Variants in SUCLG2 observed in about 807,000 individuals in gnomAD.
SUCLG2 encodes succinate--CoA ligase [GDP-forming] subunit beta, mitochondrial.
SUCLG2 carries 42 observed loss-of-function variants against 47.9 expected under a neutral mutation model. The observed-to-expected ratio is 0.88, with a 90% CI of 0.69 to 1.14. SUCLG2 has a LOEUF of 1.14. SUCLG2 is among the 50% of genes most tolerant of loss of function. The pLI is 0.00. For synonymous variants in SUCLG2, 195 were observed against 197.3 expected, an observed-to-expected ratio of 0.99 and a Z score of 0.10; for missense variants, 571 against 525.9, an observed-to-expected ratio of 1.09 and a Z score of -0.84.
chr3:67,436,603 A>T (rs1033128000), intron 9 of SUCLG2, among the ~76,000 whole-genome samples: 3 of 152,174 alleles, frequency 2.0e-5, no homozygotes, highest in Non-Finnish European at 2.9e-5. Flanking sequence ...TTACTATAGG[A>T]CTTTTACTAA....
chr3:67,379,006 G>C (rs1197152277), intron 10 of SUCLG2, among the ~76,000 whole-genome samples: 2 of 152,140 alleles, frequency 1.3e-5, no homozygotes, highest in Non-Finnish European at 2.9e-5. Flanking sequence ...GAGTGCAGTG[G>C]CGTGATCTCA....
intron 8 of SUCLG2, among the ~76,000 whole-genome samples, chr3:67,497,772 T>G (rs1280790854): frequency 6.6e-6 from 1 of 152,168 alleles, no homozygotes; most frequent in Non-Finnish European, 1.5e-5. Context: ...CCACAGCCAT[T>G]TGGAACTGTC....
chr3:67,473,823 A>G (rs1704665436), intron 9 of SUCLG2, among the ~76,000 whole-genome samples: 1 of 152,212 alleles, frequency 6.6e-6, no homozygotes, highest in Admixed American at 6.5e-5. Context: ...ATGGAGTAAG[A>G]GTTTATCATT....
At chr3:67,454,961 CAAA>C (rs61683854) in intron 9 of SUCLG2, among the ~76,000 whole-genome samples, 3 of 111,610 alleles carry the variant, frequency 2.7e-5, no homozygotes, top group African/African-American at 3.6e-5. Flanking sequence ...GACTCCGTCT[CAAA>C]AAAAAAAAAA....
chr3:67,525,005 C>G (rs1038607650), intron 4 of SUCLG2, among the ~76,000 whole-genome samples: 2 of 152,192 alleles, frequency 1.3e-5, no homozygotes, highest in African/African-American at 4.8e-5. Context: ...ATGTTGGACA[C>G]TGAAATTAAG....
intron 9 of SUCLG2, among the ~76,000 whole-genome samples, chr3:67,421,576 G>A (rs1467412528): frequency 6.6e-6 from 1 of 152,230 alleles, no homozygotes; most frequent in Non-Finnish European, 1.5e-5. Flanking sequence ...GTATAGGCAA[G>A]TAATAGAAGT....
chr3:67,623,366 T>C (rs910606633), intron 1 of SUCLG2, among the ~76,000 whole-genome samples: 1 of 152,090 alleles, frequency 6.6e-6, no homozygotes, highest in Admixed American at 6.5e-5. Flanking sequence ...CTGGGCGTGA[T>C]GGCGGGTGCC....
chr3:67,475,306 G>C lies in SUCLG2; in HGVS notation c.1062+20492C>G, dbSNP rs1334895899. On this transcript the variant is annotated intron_variant, in intron 9 of 10. Transcript: ENST00000307227. ...TCACCAAAGAAAATGTTTTTCATTT[G>C]TAAGAAAACTGAGTGATTTCTCTTC... Among the ~76,000 whole-genome samples the C allele has an allele frequency of 2.5e-4, 38 of 152,128 alleles. 1 individual carries two copies. Among genetic ancestry groups the C allele is most frequent in the Admixed American group, 2.5e-3 (38 of 15,274 alleles).
intron 9 of SUCLG2, among the ~76,000 whole-genome samples, chr3:67,409,957 C>G (rs1032060358): frequency 1.3e-5 from 2 of 152,068 alleles, no homozygotes; most frequent in South Asian, 2.1e-4. Flanking sequence ...GTATATTGTA[C>G]GAAGTATTAG....
intron 9 of SUCLG2, among the ~76,000 whole-genome samples, chr3:67,477,843 A>G (rs1704807443): frequency 6.6e-6 from 1 of 152,228 alleles, no homozygotes; most frequent in South Asian, 2.1e-4. Flanking sequence ...ATGAATACTT[A>G]TTTTGTGGAA....
intron 6 of SUCLG2, among the ~76,000 whole-genome samples, chr3:67,516,513 C>T (rs1705949432): frequency 6.6e-6 from 1 of 152,104 alleles, no homozygotes; most frequent in Non-Finnish European, 1.5e-5. Context: ...CAGATTTTGC[C>T]CACTCCAGAT....
Position 67,378,270 on chromosome 3 carries a change from A to G in SUCLG2, c.1184-2411T>C, listed in dbSNP as rs983064492. Among the ~76,000 whole-genome samples, 9 of 152,300 alleles carry G rather than the reference A, an allele frequency of 5.9e-5. 1 individual carries two copies. Among genetic ancestry groups the G allele is most frequent in the Admixed American group, 2.6e-4 (4 of 15,306 alleles). On this transcript the variant is annotated intron_variant, in intron 10 of 10. Coordinates refer to ENST00000307227, the MANE Select transcript of SUCLG2 (RefSeq NM_003848.4). ...GAGTATGATCTGGACCCACAGCCTTACTTCTAATAGATAAGAACATGGCAA... is the reference window on the plus strand; with the variant it reads ...GAGTATGATCTGGACCCACAGCCTTGCTTCTAATAGATAAGAACATGGCAA...
chr3:67,368,670 A>G (rs1701907926), intron 10 of SUCLG2, among the ~76,000 whole-genome samples: 1 of 152,156 alleles, frequency 6.6e-6, no homozygotes, highest in Non-Finnish European at 1.5e-5. Flanking sequence ...CAATGGCACA[A>G]TCTTGGCTCA....
intron 9 of SUCLG2, among the ~76,000 whole-genome samples, chr3:67,461,153 C>T (rs1704322612): frequency 6.6e-6 from 1 of 152,038 alleles, no homozygotes; most frequent in African/African-American, 2.4e-5. Flanking sequence ...TAAGAAAATG[C>T]CTTTTAAAAT....
intron 2 of SUCLG2, among the ~76,000 whole-genome samples, chr3:67,608,196 T>C (rs6791198): frequency 0.49 from 74,005 of 151,846 alleles, 18,959 homozygotes; most frequent in African/African-American, 0.64. Flanking sequence ...ACTCAGAGGG[T>C]GCTCTCCCCA....
At chr3:67,567,676 G>A (rs1259621647) in intron 2 of SUCLG2, among the ~76,000 whole-genome samples, 1 of 152,080 alleles carries the variant, frequency 6.6e-6, no homozygotes, top group Non-Finnish European at 1.5e-5. Flanking sequence ...CACTTATACA[G>A]AAAAACTTCA....
At chr3:67,511,471 C>T (rs910804889) in intron 6 of SUCLG2, among the ~76,000 whole-genome samples, 23 of 152,078 alleles carry the variant, frequency 1.5e-4, no homozygotes, top group Non-Finnish European at 2.5e-4. Context: ...GTAAGTCTCA[C>T]GAGATCTGGT....
chr3:67,578,385 G>C (rs1707798205), intron 2 of SUCLG2, among the ~76,000 whole-genome samples: 1 of 151,612 alleles, frequency 6.6e-6, no homozygotes. Context: ...GCTGGTGCCT[G>C]CTGGAACTAA....
At chr3:67,540,060 G>C (rs1706660974) in intron 2 of SUCLG2, among the ~76,000 whole-genome samples, 1 of 151,046 alleles carries the variant, frequency 6.6e-6, no homozygotes, top group Non-Finnish European at 1.5e-5. Context: ...ATCTCCTTCA[G>C]TTCTGCTCTG....
Sources: gnomAD v4.1 joint callset for allele counts (sites outside exome capture counted in the v4.1 genomes callset) on GRCh38, gnomAD v4.1.1 for gene constraint, MANE v1.5 for transcripts, NCBI Gene and HGNC (gene_info 2026-07-23, HGNC 2026-07-21) for gene names.